SH3GL2: variants seen among roughly 807,000 people sequenced by gnomAD.
SH3GL2 encodes the protein endophilin-A1.
A neutral mutation model predicts 46.0 loss-of-function variants in SH3GL2; 24 were observed. That is an observed-to-expected ratio of 0.52 (90% confidence interval 0.38 to 0.73). SH3GL2 has a LOEUF of 0.73. SH3GL2 is among the 30% of genes least tolerant of loss of function. The probability of loss-of-function intolerance (pLI) is 0.00; values close to 1 mark genes in which losing one functional copy is unlikely to be tolerated. For synonymous variants in SH3GL2, 196 were observed against 147.1 expected, an observed-to-expected ratio of 1.33 and a Z score of -2.40; for missense variants, 413 against 424.2, an observed-to-expected ratio of 0.97 and a Z score of 0.23.
chr9:17,638,412 G>C (rs1274499089), intron 1 of SH3GL2, among the ~76,000 whole-genome samples: 1 of 152,134 alleles, frequency 6.6e-6, no homozygotes, highest in Non-Finnish European at 1.5e-5. Flanking sequence ...TGATCTACCT[G>C]TATCTTACTT....
Position 17,761,494 on chromosome 9 carries a change from C to A in SH3GL2, c.172C>A (p.Leu58Ile). ...MEIMTKTIEY[L>I]QPNPASRAKL... Reference sequence around the variant, plus strand: ...AATAATGACTAAAACAATTGAATACCTTCAACCCAATCCAGGTAAGGCATC... The same window carrying A: ...AATAATGACTAAAACAATTGAATACATTCAACCCAATCCAGGTAAGGCATC... Residue 58 changes from leucine to isoleucine, a missense_variant, in exon 3 of 9, where the codon CTT becomes ATT. This residue lies in a region of SH3GL2 where 160 missense variants were observed against 192.3 expected (regional missense o/e 0.83). Transcript: ENST00000380607. 2 of 1,594,596 alleles carry A rather than the reference C, an allele frequency of 1.3e-6. No homozygotes were observed. The highest frequency in any genetic ancestry group is 1.7e-6 in the Non-Finnish European group (2 of 1,162,232).
intron 1 of SH3GL2, among the ~76,000 whole-genome samples, chr9:17,638,165 A>C (rs1031257328): frequency 1.3e-5 from 2 of 151,302 alleles, no homozygotes; most frequent in East Asian, 1.9e-4. Flanking sequence ...TCAAAAAAAA[A>C]ACAAAAAAAC....
rs1819181866 is a variant in SH3GL2, at chr9:17,622,986, G to GTTTCCTTTCGTTTCCTTTCC, written c.45+43708_45+43709insGTTTCCTTTCCTTTCCTTTC. On this transcript the variant is annotated intron_variant, in intron 1 of 8. Transcript: ENST00000380607. ...CTCCCTTTTCCTTTCGTTTCCTTTC[G>GTTTCCTTTCGTTTCCTTTCC]TTTCCTTTCCTTTCCTTTCCTTTCC... Among the ~76,000 whole-genome samples the GTTTCCTTTCGTTTCCTTTCC allele has an allele frequency of 1.0e-4, 10 of 99,402 alleles. No individual in the cohort carries two copies. The South Asian group carries it at 1.3e-3, about 13-fold the overall frequency. The allele number at this position is 99,402 out of a possible 152,430, so 65.2% of individuals were successfully genotyped here.
At chr9:17,692,643 C>CAA (rs35932722) in intron 1 of SH3GL2, among the ~76,000 whole-genome samples, 55,666 of 147,654 alleles carry the variant, frequency 0.38, 11,172 homozygotes, top group Admixed American at 0.54. Flanking sequence ...GACTCCATCT[C>CAA]AAAAAAAAAA....
chr9:17,741,785 A>G (rs73642205), intron 1 of SH3GL2, among the ~76,000 whole-genome samples: 3,510 of 152,302 alleles, frequency 0.023, 131 homozygotes, highest in African/African-American at 0.081. Flanking sequence ...TCATATGAGC[A>G]AATATGCTTA....
At chr9:17,735,082 C>T (rs1822291420) in intron 1 of SH3GL2, among the ~76,000 whole-genome samples, 1 of 152,074 alleles carries the variant, frequency 6.6e-6, no homozygotes, top group African/African-American at 2.4e-5. Context: ...TCACTTTTGC[C>T]ACATCATGAG....
intron 1 of SH3GL2, among the ~76,000 whole-genome samples, chr9:17,690,293 G>T (rs1057106317): frequency 4.0e-4 from 61 of 152,086 alleles, no homozygotes; most frequent in Non-Finnish European, 1.9e-4. Flanking sequence ...ATTCCCCCGG[G>T]CGAGGCCTCA....
chr9:17,731,997 G>A lies in SH3GL2; in HGVS notation c.46-15069G>A, dbSNP rs142445522. ...GGTTCTGACCTGTGATGGCAGAGGA[G>A]GAGATACTGTGATAGGGAAACAAGC... On this transcript the variant is annotated intron_variant, in intron 1 of 8. Coordinates refer to ENST00000380607, the MANE Select transcript of SH3GL2 (RefSeq NM_003026.5). 3.0e-3 allele frequency among the ~76,000 whole-genome samples: 456 copies of A among 152,242 alleles called. 8 individuals carry two copies. The highest frequency in any genetic ancestry group is 1.0e-2 in the African/African-American group (414 of 41,564).
chr9:17,672,519 G>A (rs3780236), intron 1 of SH3GL2, among the ~76,000 whole-genome samples: 76,887 of 151,886 alleles, frequency 0.51, 20,586 homozygotes, highest in African/African-American at 0.66. Flanking sequence ...GACTTAAGTA[G>A]GCATTTAGTT....
intron 1 of SH3GL2, among the ~76,000 whole-genome samples, chr9:17,613,250 A>G (rs1030972451): frequency 6.6e-6 from 1 of 152,232 alleles, no homozygotes; most frequent in African/African-American, 2.4e-5. Flanking sequence ...ATTCAATTAA[A>G]GAAGCAAAAC....
chr9:17,657,682 C>T lies in SH3GL2; in HGVS notation c.45+78395C>T, dbSNP rs192198747. The stretch of plus-strand genomic sequence containing the variant: ...ATCGTTAGTATTTGTGGCACTCACT[C>T]TGTGATTTGGCCTATTTCACCTCCC... On this transcript the variant is annotated intron_variant, in intron 1 of 8. Coordinates refer to ENST00000380607, the MANE Select transcript of SH3GL2 (RefSeq NM_003026.5). Among the ~76,000 whole-genome samples the T allele has an allele frequency of 2.0e-5, 3 of 152,068 alleles. No homozygotes were observed. The East Asian group carries it at 5.8e-4, about 29-fold the overall frequency.
chr9:17,611,804 A>G (rs777931062), intron 1 of SH3GL2, among the ~76,000 whole-genome samples: 2 of 152,120 alleles, frequency 1.3e-5, no homozygotes, highest in African/African-American at 2.4e-5. Flanking sequence ...GTGCCAACAG[A>G]AGGAGACATC....
chr9:17,714,343 A>G (rs1350618846), intron 1 of SH3GL2, among the ~76,000 whole-genome samples: 1 of 151,750 alleles, frequency 6.6e-6, no homozygotes, highest in Non-Finnish European at 1.5e-5. Context: ...GGATGTTTAG[A>G]ATATTTACAT....
In SH3GL2 at chr9:17,774,636, A is replaced by G. The variant is rs547594892; in HGVS notation, c.188-11745A>G. On this transcript the variant is annotated intron_variant, in intron 3 of 8. Coordinates refer to ENST00000380607, the MANE Select transcript of SH3GL2 (RefSeq NM_003026.5). ...TGAACCATATGCTTGTATTTCAGGA[A>G]CAAATACCACTTGGTCATGGGGTAT... Among the ~76,000 whole-genome samples, 15 of 152,212 alleles carry G rather than the reference A, an allele frequency of 9.9e-5. No homozygotes were observed. In the East Asian group the frequency reaches 2.9e-3, roughly 29 times the overall value.
intron 1 of SH3GL2, among the ~76,000 whole-genome samples, chr9:17,715,194 CT>C (rs554919094): frequency 0.015 from 1,914 of 128,780 alleles, 19 homozygotes; most frequent in Middle Eastern, 0.039. Context: ...TCTTTCTTTT[CT>C]TTTTTTTTTT....
Position 17,719,466 on chromosome 9 carries a change from G to C in SH3GL2, c.46-27600G>C, listed in dbSNP as rs188520054. Among the ~76,000 whole-genome samples the C allele has an allele frequency of 2.0e-5, 3 of 152,104 alleles. No individual in the cohort carries two copies. The South Asian group carries it at 6.2e-4, about 32-fold the overall frequency. ...GTATAAAGTTAAGCTATTGGAGTCA[G>C]GTACATCATGTCCTTCTCAGTACCT... On this transcript the variant is annotated intron_variant, in intron 1 of 8. Transcript: ENST00000380607.
chr9:17,700,809 A>T (rs1053977907), intron 1 of SH3GL2, among the ~76,000 whole-genome samples: 2 of 152,242 alleles, frequency 1.3e-5, no homozygotes, highest in African/African-American at 4.8e-5. Context: ...CTGAGGACTT[A>T]AACATATGGT....
intron 1 of SH3GL2, among the ~76,000 whole-genome samples, chr9:17,647,807 G>A (rs1053505647): frequency 1.3e-5 from 2 of 152,122 alleles, no homozygotes; most frequent in Non-Finnish European, 2.9e-5. Flanking sequence ...AAAGTTGACA[G>A]CATTTTTACA....
At chr9:17,645,151 C>CT (rs57611978) in intron 1 of SH3GL2, among the ~76,000 whole-genome samples, 9 of 68,776 alleles carry the variant, frequency 1.3e-4, no homozygotes, top group African/African-American at 3.3e-4. Flanking sequence ...GCAAACGCTG[C>CT]TTTTTTTTTT....
Sources: allele counts gnomAD v4.1 joint callset (sites outside exome capture counted in the v4.1 genomes callset), GRCh38; gene constraint gnomAD v4.1.1; regional missense constraint gnomAD v4.1.1; transcripts MANE v1.5; gene names NCBI Gene and HGNC (gene_info 2026-07-23, HGNC 2026-07-21).